ARHGEF28: variants seen among roughly 807,000 people sequenced by gnomAD.
ARHGEF28 encodes Rho guanine nucleotide exchange factor 28.
ARHGEF28 carries 152 observed loss-of-function variants against 206.6 expected under a neutral mutation model. The observed-to-expected ratio is 0.74, with a 90% CI of 0.64 to 0.84. The LOEUF is 0.84. Ranked by LOEUF, ARHGEF28 falls within the 40% of genes least tolerant of loss-of-function variation. ARHGEF28 has a pLI of 0.00. For missense variants in ARHGEF28, 2,028 were observed against 2,073.2 expected (o/e 0.98, Z 0.42); for synonymous variants, 763 against 776.4 (o/e 0.98, Z 0.29).
At chr5:73,891,099 T>C (rs1274056867) in intron 26 of ARHGEF28, among the ~76,000 whole-genome samples, 2 of 152,208 alleles carry the variant, frequency 1.3e-5, no homozygotes, top group Non-Finnish European at 2.9e-5. Flanking sequence ...GCCTACTCTA[T>C]GCTTGGCTAT....
chr5:73,679,001 G>A (rs1212710129), intron 1 of ARHGEF28, among the ~76,000 whole-genome samples: 1 of 152,198 alleles, frequency 6.6e-6, no homozygotes, highest in Non-Finnish European at 1.5e-5. Context: ...AGATCCTCCT[G>A]CCTCAGCCTC....
chr5:73,813,300 A>AAT (rs1755955869), intron 9 of ARHGEF28, among the ~76,000 whole-genome samples: 1 of 152,170 alleles, frequency 6.6e-6, no homozygotes, highest in Non-Finnish European at 1.5e-5. Context: ...TGACCTTTTG[A>AAT]ATAAGTGGAC....
chr5:73,759,157 A>AC (rs5868693), intron 4 of ARHGEF28, among the ~76,000 whole-genome samples: 1 of 152,230 alleles, frequency 6.6e-6, no homozygotes, highest in East Asian at 1.9e-4. Flanking sequence ...AGGGTGGCTT[A>AC]AGAATTGAAT....
chr5:73,850,576 G>A (rs1284826313), intron 13 of ARHGEF28, among the ~76,000 whole-genome samples: 2 of 152,050 alleles, frequency 1.3e-5, no homozygotes, highest in Admixed American at 6.5e-5. Context: ...ACATGTTTAA[G>A]TTTTCTGTGC....
chr5:73,939,730 C>T (rs1296630390), intron 35 of ARHGEF28, among the ~76,000 whole-genome samples: 1 of 152,178 alleles, frequency 6.6e-6, no homozygotes, highest in Non-Finnish European at 1.5e-5. Flanking sequence ...TGCTTACTGC[C>T]TTCTCTAGCA....
At chr5:73,788,795 G>A (rs993542916) in intron 7 of ARHGEF28, among the ~76,000 whole-genome samples, 8 of 152,130 alleles carry the variant, frequency 5.3e-5, no homozygotes, top group Admixed American at 2.0e-4. Context: ...GTTCAAACCC[G>A]TCTTGTTTAA....
chr5:73,718,299 T>C (rs1159144338), intron 2 of ARHGEF28, among the ~76,000 whole-genome samples: 2 of 152,232 alleles, frequency 1.3e-5, no homozygotes, highest in Non-Finnish European at 2.9e-5. Context: ...TGATCCCCTG[T>C]CTGCTGGGTA....
chr5:73,700,630 C>A (rs921681996), intron 2 of ARHGEF28, among the ~76,000 whole-genome samples: 1 of 152,092 alleles, frequency 6.6e-6, no homozygotes, highest in Admixed American at 6.6e-5. Context: ...AGAGAAGCTT[C>A]TGAATATTCT....
At chr5:73,791,913 T>A (rs1208205206) in intron 7 of ARHGEF28, among the ~76,000 whole-genome samples, 4 of 152,208 alleles carry the variant, frequency 2.6e-5, no homozygotes, top group Non-Finnish European at 5.9e-5. Context: ...TACCATTATC[T>A]GCTAAAGGTT....
chr5:73,785,312 C>T (rs1001876609), intron 7 of ARHGEF28, among the ~76,000 whole-genome samples: 1 of 152,046 alleles, frequency 6.6e-6, no homozygotes, highest in Non-Finnish European at 1.5e-5. Flanking sequence ...CACGAGAGTC[C>T]TTTTTTCGCA....
intron 35 of ARHGEF28, among the ~76,000 whole-genome samples, chr5:73,920,121 T>A (rs1763438087): frequency 6.6e-6 from 1 of 152,194 alleles, no homozygotes; most frequent in African/African-American, 2.4e-5. Flanking sequence ...TGAAAGAAGT[T>A]GAGGTATCAG....
intron 8 of ARHGEF28, 124 bp from the exon 9 acceptor site, chr5:73,795,207 T>C: frequency 2.5e-6 from 2 of 812,114 alleles, no homozygotes; most frequent in South Asian, 3.3e-5. Flanking sequence ...TGTTTACATG[T>C]GATGATACTT....
At chr5:73,718,493 G>A (rs575000113) in intron 2 of ARHGEF28, among the ~76,000 whole-genome samples, 33 of 152,282 alleles carry the variant, frequency 2.2e-4, no homozygotes, top group African/African-American at 7.9e-4. Context: ...AGTGTTGGAG[G>A]TGAGGGATTC....
chr5:73,895,020 G>A (rs914550871), intron 29 of ARHGEF28, among the ~76,000 whole-genome samples: 3 of 151,832 alleles, frequency 2.0e-5, no homozygotes, highest in African/African-American at 4.8e-5. Flanking sequence ...TGAGGGAAGG[G>A]AGGGTGGGGT....
chr5:73,889,171 C>T (rs1374729214), intron 26 of ARHGEF28, among the ~76,000 whole-genome samples: 4 of 152,196 alleles, frequency 2.6e-5, no homozygotes, highest in Non-Finnish European at 5.9e-5. Context: ...AGCTCCCATC[C>T]TAGAATTTTA....
intron 27 of ARHGEF28, 137 bp from the exon 28 acceptor site, chr5:73,893,060 G>C (rs1761742623): frequency 1.6e-6 from 1 of 629,724 alleles, no homozygotes; most frequent in African/African-American, 1.9e-5. Flanking sequence ...CTGGCCAGGG[G>C]GGATGATGCA....
intron 1 of ARHGEF28, among the ~76,000 whole-genome samples, chr5:73,680,185 A>G (rs1000531378): frequency 6.6e-6 from 1 of 152,104 alleles, no homozygotes. Flanking sequence ...CTGTAATCCC[A>G]GCCCTTTGGG....
intron 34 of ARHGEF28, among the ~76,000 whole-genome samples, chr5:73,910,209 C>T (rs1429257820): frequency 6.6e-6 from 1 of 151,536 alleles, no homozygotes; most frequent in Non-Finnish European, 1.5e-5. Context: ...GGTGAAACCC[C>T]GTGTCTACTA....
intron 1 of ARHGEF28, among the ~76,000 whole-genome samples, chr5:73,657,412 A>C (rs1198222844): frequency 6.6e-6 from 1 of 152,170 alleles, no homozygotes; most frequent in Non-Finnish European, 1.5e-5. Flanking sequence ...TTCTTTGTCA[A>C]GTTGGCCTGT....
Sources: allele counts gnomAD v4.1 joint callset (sites outside exome capture counted in the v4.1 genomes callset), GRCh38; gene constraint gnomAD v4.1.1; transcripts MANE v1.5; gene names NCBI Gene and HGNC (gene_info 2026-07-23, HGNC 2026-07-21).